DNAH11: variants seen among roughly 807,000 people sequenced by gnomAD.
The protein encoded by DNAH11 is dynein axonemal heavy chain 11.
A neutral mutation model predicts 526.0 loss-of-function variants in DNAH11; 442 were observed. The observed-to-expected ratio is 0.84, with a 90% CI of 0.78 to 0.91. The LOEUF (loss-of-function observed/expected upper bound fraction) is 0.91, where lower values mean the gene tolerates loss of function less well. DNAH11 is among the 40% of genes least tolerant of loss of function. DNAH11 has a pLI of 0.00. For synonymous variants in DNAH11, 2,461 were observed against 1,935.9 expected, an observed-to-expected ratio of 1.27 and a Z score of -7.12; for missense variants, 6,989 against 5,448.7, an observed-to-expected ratio of 1.28 and a Z score of -8.90.
At chr7:21,667,719 T>A (rs921452055) in intron 30 of DNAH11, among the ~76,000 whole-genome samples, 3 of 152,022 alleles carry the variant, frequency 2.0e-5, no homozygotes, top group East Asian at 1.9e-4. Context: ...AAACATACAA[T>A]AAAGGGATAG....
intron 65 of DNAH11, among the ~76,000 whole-genome samples, chr7:21,829,032 G>T (rs1336964141): frequency 1.2e-4 from 19 of 152,004 alleles, no homozygotes; most frequent in Non-Finnish European, 2.8e-4. Flanking sequence ...AGCCCTTCCC[G>T]CTGAGGTTGC....
At chr7:21,570,009 G>C in intron 6 of DNAH11, 60 bp from the exon 7 acceptor site, 1 of 1,331,372 alleles carries the variant, frequency 7.5e-7, no homozygotes. Context: ...AACAGAGACG[G>C]TTACAGGGAA....
At chr7:21,574,814 CCTT>C (rs1257669035) in intron 8 of DNAH11, among the ~76,000 whole-genome samples, 2 of 149,788 alleles carry the variant, frequency 1.3e-5, no homozygotes, top group African/African-American at 4.9e-5. Context: ...GATCCACCCT[CCTT>C]GGCCTCCCAA....
intron 65 of DNAH11, among the ~76,000 whole-genome samples, chr7:21,823,316 A>G (rs984506592): frequency 2.6e-5 from 4 of 151,882 alleles, no homozygotes; most frequent in African/African-American, 4.8e-5. Context: ...TTCCCCATCA[A>G]TGTTTTGGAA....
At chr7:21,641,596 A>G (rs1787133304) in intron 28 of DNAH11, among the ~76,000 whole-genome samples, 1 of 152,188 alleles carries the variant, frequency 6.6e-6, no homozygotes, top group African/African-American at 2.4e-5. Context: ...CTTTTAAATC[A>G]TCAAAAAATC....
chr7:21,832,888 C>T (rs1300777069), intron 65 of DNAH11, among the ~76,000 whole-genome samples: 1 of 152,108 alleles, frequency 6.6e-6, no homozygotes, highest in African/African-American at 2.4e-5. Flanking sequence ...ATTTGTCAAC[C>T]CCTGCTCTAG....
intron 55 of DNAH11, among the ~76,000 whole-genome samples, chr7:21,769,840 T>C (rs1166414579): frequency 6.6e-6 from 1 of 152,142 alleles, no homozygotes; most frequent in Non-Finnish European, 1.5e-5. Context: ...TTGTTTCAAC[T>C]TTCTGGCAGA....
In DNAH11 at chr7:21,735,725, T is replaced by C. The variant is rs762276522; in HGVS notation, c.7526T>C (p.Val2509Ala). 2.0e-5 allele frequency: 32 copies of C among 1,613,928 alleles called. No homozygotes were observed. The highest frequency in any genetic ancestry group is 2.7e-5 in the Non-Finnish European group (32 of 1,179,870). The change falls in exon 46 of 82, where the codon GTA becomes GCA. Residue 2509 changes from valine (V) to alanine (A), a missense_variant. Val to Ala is a moderately conservative substitution (Grantham distance 64). Coordinates refer to ENST00000409508, the MANE Select transcript of DNAH11 (RefSeq NM_001277115.2). ...GAGAAAGGAAAACCTCTAATGCTAGTAGGAAATGCAGGAGTGGGAAAAACA... is the reference window on the plus strand; with the variant it reads ...GAGAAAGGAAAACCTCTAATGCTAGCAGGAAATGCAGGAGTGGGAAAAACA... ...LLEKGKPLML[V>A]GNAGVGKTVF...
At chr7:21,809,688 C>T (rs1348989753) in intron 63 of DNAH11, among the ~76,000 whole-genome samples, 1 of 151,972 alleles carries the variant, frequency 6.6e-6, no homozygotes, top group Non-Finnish European at 1.5e-5. Flanking sequence ...CTCAGCCTCC[C>T]AAGTAGCTGG....
chr7:21,652,110 A>G (rs1273017000), intron 28 of DNAH11, among the ~76,000 whole-genome samples: 1 of 152,226 alleles, frequency 6.6e-6, no homozygotes, highest in Admixed American at 6.5e-5. Context: ...CACAGAAGAG[A>G]GAGCTGACGG....
Position 21,797,005 on chromosome 7 carries a change from GAT to G in DNAH11, c.10027-4130_10027-4129del, listed in dbSNP as rs72330854. Among the ~76,000 whole-genome samples, 562 of 152,212 alleles carry G rather than the reference GAT, an allele frequency of 3.7e-3. 2 individuals carry two copies. The highest frequency in any genetic ancestry group is 0.013 in the African/African-American group (528 of 41,536). ...GGTAGAGAAGAACAAAGAAAAAAGT[GAT>G]AGGAATGAAAGTCAGATTAAAATAG... On this transcript the variant is annotated intron_variant, in intron 61 of 81. Coordinates refer to ENST00000409508, the MANE Select transcript of DNAH11 (RefSeq NM_001277115.2).
intron 66 of DNAH11, among the ~76,000 whole-genome samples, chr7:21,843,034 A>G (rs1037276211): frequency 2.0e-5 from 3 of 152,214 alleles, no homozygotes; most frequent in Non-Finnish European, 4.4e-5. Context: ...GTGCCCAGGT[A>G]TGTTGGAATG....
At chr7:21,809,888 G>T (rs1789434501) in intron 63 of DNAH11, among the ~76,000 whole-genome samples, 1 of 152,142 alleles carries the variant, frequency 6.6e-6, no homozygotes, top group Admixed American at 6.6e-5. Flanking sequence ...TGCATATGGT[G>T]AAAGATGGAA....
chr7:21,635,864 A>G lies in DNAH11; in HGVS notation c.4501-7A>G. ...CTACTATTTAAAATTCTTTGCCTTT[A>G]TTTTAGGTTCAGTTGCAGACTCTTC... On this transcript the variant is annotated splice_polypyrimidine_tract_variant and splice_region_variant and intron_variant, in intron 25 of 81. Transcript: ENST00000409508. 6.3e-7 allele frequency: 1 copy of G among 1,599,608 alleles called. No individual in the cohort carries two copies. Among genetic ancestry groups the G allele is most frequent in the Non-Finnish European group, 8.5e-7 (1 of 1,172,378 alleles).
intron 63 of DNAH11, among the ~76,000 whole-genome samples, chr7:21,813,288 C>G (rs148469557): frequency 6.6e-6 from 1 of 152,218 alleles, no homozygotes; most frequent in East Asian, 1.9e-4. Context: ...ATAGACAGAG[C>G]AAATACATGG....
At chr7:21,650,715 C>A (rs1787589445) in intron 28 of DNAH11, among the ~76,000 whole-genome samples, 1 of 151,902 alleles carries the variant, frequency 6.6e-6, no homozygotes, top group Non-Finnish European at 1.5e-5. Context: ...TCTCAGCTCA[C>A]TGCAACCTCT....
intron 74 of DNAH11, among the ~76,000 whole-genome samples, chr7:21,879,022 C>A (rs1262986828): frequency 6.6e-6 from 1 of 152,190 alleles, no homozygotes; most frequent in Non-Finnish European, 1.5e-5. Flanking sequence ...ACTGCCAAAT[C>A]TGAACATGGG....
intron 22 of DNAH11, 64 bp from the exon 23 acceptor site, chr7:21,617,555 C>G (rs368446330): frequency 1.3e-6 from 2 of 1,558,380 alleles, no homozygotes; most frequent in African/African-American, 2.7e-5. Flanking sequence ...TCAAAGGAGG[C>G]AAATTATTAA....
chr7:21,595,047 T>C (rs1479804612), intron 14 of DNAH11, among the ~76,000 whole-genome samples: 6 of 152,178 alleles, frequency 3.9e-5, no homozygotes, highest in African/African-American at 1.4e-4. Flanking sequence ...AGGGGTTCCG[T>C]ATGTTCAGGC....
Sources: allele counts gnomAD v4.1 joint callset (sites outside exome capture counted in the v4.1 genomes callset), GRCh38; gene constraint gnomAD v4.1.1; transcripts MANE v1.5; gene names NCBI Gene and HGNC (gene_info 2026-07-23, HGNC 2026-07-21).